The following GCFC2 variants were observed in gnomAD, a reference collection of about 807,000 sequenced individuals.
GCFC2 encodes the protein intron Large complex component GCFC2.
In GCFC2, 102 loss-of-function variants were observed where a neutral mutation model predicts 99.4. The ratio of observed to expected loss-of-function variants is 1.03; its 90% CI spans 0.87 to 1.21. The LOEUF is 1.21. Among genes scored for constraint, GCFC2 ranks in the 50% most tolerant of loss-of-function variants. The pLI, the probability that GCFC2 is intolerant of heterozygous loss-of-function variation, is 0.00. For missense variants in GCFC2, 973 were observed against 920.9 expected (o/e 1.06, Z -0.73); for synonymous variants, 338 against 316.8 (o/e 1.07, Z -0.71).
chr2:75,673,052 TG>T (rs1228812747), intron 13 of GCFC2, among the ~76,000 whole-genome samples: 4 of 152,246 alleles, frequency 2.6e-5, no homozygotes, highest in African/African-American at 9.6e-5. Flanking sequence ...GGCTCACGCC[TG>T]TAATCCCAGC....
chr2:75,702,094 A>T (rs1454762148), intron 3 of GCFC2, 105 bp downstream of exon 3: 2 of 1,497,164 alleles, frequency 1.3e-6, no homozygotes. Context: ...AACCATTATC[A>T]ACACTATAAA....
chr2:75,675,449 C>T (rs1345949615), intron 12 of GCFC2, among the ~76,000 whole-genome samples: 1 of 152,072 alleles, frequency 6.6e-6, no homozygotes, highest in Non-Finnish European at 1.5e-5. Context: ...TAAAACAAAA[C>T]ATAAATTCAC....
chr2:75,708,730 C>T (rs530911236), intron 1 of GCFC2, among the ~76,000 whole-genome samples: 39 of 151,846 alleles, frequency 2.6e-4, no homozygotes, highest in African/African-American at 8.0e-4. Flanking sequence ...AGGCTGGGCT[C>T]GAACTCCTGA....
intron 1 of GCFC2, among the ~76,000 whole-genome samples, chr2:75,709,585 T>C (rs1392068051): frequency 1.3e-5 from 2 of 152,148 alleles, no homozygotes; most frequent in Admixed American, 1.3e-4. Context: ...AAGATACTGG[T>C]CAAAGGGCAC....
At position 75,684,955 on chromosome 2, in the gene GCFC2, C is replaced by T. The variant is rs141682902; in HGVS notation, c.1690+2872G>A. On this transcript the variant is annotated intron_variant, in intron 11 of 16. Coordinates refer to ENST00000321027, the MANE Select transcript of GCFC2 (RefSeq NM_003203.5). The stretch of plus-strand genomic sequence containing the variant: ...GAAACCATCATTCTCAGCAAACTAA[C>T]ACCAGAACACAAAACCAAACACTGC... Among the ~76,000 whole-genome samples, 654 of 152,272 alleles carry T rather than the reference C, an allele frequency of 4.3e-3. 5 individuals are homozygous for T. Among genetic ancestry groups the T allele is most frequent in the African/African-American group, 0.015 (624 of 41,556 alleles).
At chr2:75,711,106 A>C, upstream of GCFC2, 1 of 1,278,106 alleles carries the variant, frequency 7.8e-7, no homozygotes, top group South Asian at 2.6e-5. Flanking sequence ...GCGTGGACTG[A>C]CACCTTAGAG....
At chr2:75,681,468 C>A (rs895934710) in intron 11 of GCFC2, among the ~76,000 whole-genome samples, 4 of 151,952 alleles carry the variant, frequency 2.6e-5, no homozygotes, top group Non-Finnish European at 4.4e-5. Context: ...GCCTACCCCA[C>A]CAGGGCTGTG....
chr2:75,696,513 G>A (rs1005164975), intron 4 of GCFC2, among the ~76,000 whole-genome samples, 198 bp from the exon 5 acceptor site: 4 of 152,082 alleles, frequency 2.6e-5, no homozygotes, highest in African/African-American at 9.7e-5. Context: ...TATTTAAGAA[G>A]CAAATTCTAA....
chr2:75,696,624 C>T (rs1680337524), intron 4 of GCFC2, among the ~76,000 whole-genome samples: 1 of 152,206 alleles, frequency 6.6e-6, no homozygotes, highest in Non-Finnish European at 1.5e-5. Flanking sequence ...AACAATCCTT[C>T]ATGAATATTA....
Position 75,690,707 on chromosome 2 carries a change from GTC to G in GCFC2, c.1155_1156del (p.Glu385AspfsTer11). The G allele has an allele frequency of 6.5e-7, 1 of 1,532,512 alleles. No individual in the cohort carries two copies. The highest frequency in any genetic ancestry group is 9.0e-7 in the Non-Finnish European group (1 of 1,114,064). 94.9% of individuals were successfully genotyped at this position (1,532,512 alleles called of 1,614,324 possible). A position where few individuals can be genotyped will look rare whatever the true frequency, so the allele number is the denominator to read the frequency against. On this transcript the variant is annotated frameshift_variant, in exon 8 of 17. Coordinates refer to ENST00000321027, the MANE Select transcript of GCFC2 (RefSeq NM_003203.5). LOFTEE classifies it high-confidence loss of function. ...TACTGAGAAGTTTCCACTTGTGGAT[GTC>G]TCATCTTTGCCTGTTAATAAATAAA...
At position 75,670,233 on chromosome 2, in the gene GCFC2, G is replaced by T. The variant is rs1201257718; in HGVS notation, c.2008C>A (p.Gln670Lys). Residue 670 changes from glutamine (Q) to lysine (K), a missense_variant, in exon 15 of 17, where the codon CAA becomes AAA. By Grantham distance (53) the Gln-to-Lys change is moderately conservative. Transcript: ENST00000321027. Reference sequence around the variant, plus strand: ...AGCAGCTTCCCTAGTCCTAGTTCTTGCAAGGTGTCATCTGTAAGGAGTCCA... The same window carrying T: ...AGCAGCTTCCCTAGTCCTAGTTCTTTCAAGGTGTCATCTGTAAGGAGTCCA... Reference protein sequence around the residue: ...WNGLLTDDTLQELGLGKLLNR... With the variant: ...WNGLLTDDTLKELGLGKLLNR... The T allele has an allele frequency of 6.2e-7, 1 of 1,605,820 alleles. No individual in the cohort carries two copies. Among genetic ancestry groups the T allele is most frequent in the Non-Finnish European group, 8.5e-7 (1 of 1,172,612 alleles).
chr2:75,710,627 C>A lies in GCFC2; in HGVS notation c.229G>T (p.Ala77Ser), dbSNP rs1364332747. 2 of 1,515,882 alleles carry A rather than the reference C, an allele frequency of 1.3e-6. No homozygotes were observed. The highest frequency in any genetic ancestry group is 2.3e-4 in the Middle Eastern group (1 of 4,304). 93.9% of individuals were successfully genotyped at this position (1,515,882 alleles called of 1,614,324 possible). The stretch of plus-strand genomic sequence containing the variant: ...TCCGCGCGGGGAGCCGCTTTGGTGG[C>A]ACGCCGGGAGCTCGCCCAGACCCGG... Reference protein sequence around the residue: ...RGRVWASSRRATKAAPRADEG... With the variant: ...RGRVWASSRRSTKAAPRADEG... The change falls in exon 1 of 17, where the codon GCC becomes TCC. Residue 77 changes from alanine to serine, a missense_variant. Coordinates refer to ENST00000321027, the MANE Select transcript of GCFC2 (RefSeq NM_003203.5).
At position 75,702,405 on chromosome 2, in the gene GCFC2, G is replaced by T; in HGVS notation, c.413C>A (p.Ala138Asp). ...TTTTCTGCGGGCTGCCTGAATAAAA[G>T]CTGCATCTGGGATCTTAACTGAAGG... ...LSSTVKIPDA[A>D]FIQAARRKRE... The change falls in exon 3 of 17, where the codon GCT (alanine) becomes GAT (aspartate). Residue 138 changes from alanine to aspartate, a missense_variant. Physicochemically the swap from Ala to Asp is moderately radical, Grantham distance 126. Coordinates refer to ENST00000321027, the MANE Select transcript of GCFC2 (RefSeq NM_003203.5). 6.2e-7 allele frequency: 1 copy of T among 1,613,230 alleles called. No individual in the cohort carries two copies. The highest frequency in any genetic ancestry group is 1.1e-5 in the South Asian group (1 of 91,026).
Position 75,664,562 on chromosome 2 carries a change from C to G in GCFC2, c.*104G>C. ...AGTCCTGCTTTTTTTCAAATCCTAC[C>G]TTCTATTACAGGGAATAAAGAAGAG... is the stretch of plus-strand genomic sequence containing the variant. On this transcript the variant is annotated 3_prime_UTR_variant, in exon 17 of 17. Coordinates refer to ENST00000321027, the MANE Select transcript of GCFC2 (RefSeq NM_003203.5). 4 of 594,962 alleles carry G rather than the reference C, an allele frequency of 6.7e-6. No homozygotes were observed. Among genetic ancestry groups the G allele is most frequent in the South Asian group, 6.6e-5 (3 of 45,694 alleles). The allele number at this position is 594,962 out of a possible 1,614,324, so 36.9% of individuals were successfully genotyped here. A position where few individuals can be genotyped will look rare whatever the true frequency, so the allele number is the denominator to read the frequency against.
chr2:75,710,306 A>G (rs1681085114), intron 1 of GCFC2: 2 of 462,276 alleles, frequency 4.3e-6, no homozygotes, highest in Non-Finnish European at 7.2e-6. Flanking sequence ...TAACTGTGTT[A>G]GTTATAACTG....
Position 75,663,715 on chromosome 2 carries a change from C to G in GCFC2, c.*951G>C, listed in dbSNP as rs1558726039. The G allele has an allele frequency of 6.6e-6, 1 of 152,162 alleles. No homozygotes were observed. Among genetic ancestry groups the G allele is most frequent in the Non-Finnish European group, 1.5e-5 (1 of 68,134 alleles). 9.4% of individuals were successfully genotyped at this position (152,162 alleles called of 1,614,324 possible). A position where few individuals can be genotyped will look rare whatever the true frequency, so the allele number is the denominator to read the frequency against. On this transcript the variant is annotated 3_prime_UTR_variant, in exon 17 of 17. Coordinates refer to ENST00000321027, the MANE Select transcript of GCFC2 (RefSeq NM_003203.5). ...CTCTACAAAAAATTACAAAAATCAG[C>G]TGGGCATGGTGGCGCATGCCTATAG...
At chr2:75,706,395 C>T in intron 2 of GCFC2, 128 bp downstream of exon 2, 1 of 614,412 alleles carries the variant, frequency 1.6e-6, no homozygotes, top group Admixed American at 2.9e-5. Context: ...GCAATTTTGG[C>T]ACTCTGACAA....
chr2:75,687,978 C>CTTACAAAGAAAATTACAAAAG lies in GCFC2; in HGVS notation c.1540-22_1540-2dup. 6.5e-7 allele frequency: 1 copy of CTTACAAAGAAAATTACAAAAG among 1,540,540 alleles called. No homozygotes were observed. The highest frequency in any genetic ancestry group is 2.2e-5 in the Admixed American group (1 of 45,262). On this transcript the variant is annotated splice_acceptor_variant, in intron 10 of 16. Coordinates refer to ENST00000321027, the MANE Select transcript of GCFC2 (RefSeq NM_003203.5). LOFTEE classifies it high-confidence loss of function. ...TCTCTTTTAAACCTGTGGATTCCAA[C>CTTACAAAGAAAATTACAAAAG]TTACAAAGAAAATTACAAAAGTTAT...
At chr2:75,670,353 A>C in intron 14 of GCFC2, 69 bp from the exon 15 acceptor site, 1 of 1,106,186 alleles carries the variant, frequency 9.0e-7, no homozygotes, top group Non-Finnish European at 1.3e-6. Context: ...TCTAACAAAC[A>C]TGAAGAGTTG....
Sources: gnomAD v4.1 joint callset for allele counts (sites outside exome capture counted in the v4.1 genomes callset) on GRCh38, gnomAD v4.1.1 for gene constraint, MANE v1.5 for transcripts, NCBI Gene and HGNC (gene_info 2026-07-23, HGNC 2026-07-21) for gene names.